The following STRIP2 variants were observed in gnomAD, a reference collection of about 807,000 sequenced individuals.
STRIP2 encodes the protein striatin interacting protein 2.
In STRIP2, 84 loss-of-function variants were observed where a neutral mutation model predicts 107.1. That is an observed-to-expected ratio of 0.78 (90% CI 0.66 to 0.94). The LOEUF (loss-of-function observed/expected upper bound fraction) is 0.94. Among genes scored for constraint, STRIP2 ranks in the 40% least tolerant of loss-of-function variants. The pLI is 0.00. For synonymous variants in STRIP2, 394 were observed against 400.4 expected, an observed-to-expected ratio of 0.98 and a Z score of 0.19; for missense variants, 888 against 1,034.2, an observed-to-expected ratio of 0.86 and a Z score of 1.94.
intron 18 of STRIP2, among the ~76,000 whole-genome samples, chr7:129,477,047 C>T (rs1047391025): frequency 6.6e-6 from 1 of 151,190 alleles, no homozygotes; most frequent in Non-Finnish European, 1.5e-5. Context: ...TGGCGGCGCG[C>T]GCCTGCAATC....
Position 129,486,077 on chromosome 7 carries a change from C to T in STRIP2, c.*248C>T. The T allele has an allele frequency of 4.5e-6, 2 of 441,198 alleles. No individual in the cohort carries two copies. Among genetic ancestry groups the T allele is most frequent in the East Asian group, 7.9e-5 (2 of 25,182 alleles). 27.3% of individuals were successfully genotyped at this position (441,198 alleles called of 1,614,324 possible). ...ATTCTAGACAAGCTCTTTGGTAGGA[C>T]CTTTTCCTGCTTTAGTCTTGGCTAC... On this transcript the variant is annotated 3_prime_UTR_variant, in exon 21 of 21. Coordinates refer to ENST00000249344, the MANE Select transcript of STRIP2 (RefSeq NM_020704.3).
At chr7:129,437,920 C>T (rs1797792459) in intron 1 of STRIP2, among the ~76,000 whole-genome samples, 1 of 151,846 alleles carries the variant, frequency 6.6e-6, no homozygotes, top group African/African-American at 2.4e-5. Flanking sequence ...ATTCTCCTGC[C>T]TCAGCCTCCC....
chr7:129,475,701 GGACCCTGCGGCCT>G (rs1798905370), intron 18 of STRIP2, among the ~76,000 whole-genome samples: 1 of 152,084 alleles, frequency 6.6e-6, no homozygotes, highest in African/African-American at 2.4e-5. Context: ...CCTAGGCAGA[GGACCCTGCGGCCT>G]ACCGCAGTGT....
rs1406707558 is a variant in STRIP2 at position 129,454,133 on chromosome 7, C to T, written c.531-9C>T. 1.9e-6 allele frequency: 3 copies of T among 1,613,632 alleles called. No homozygotes were observed. Among genetic ancestry groups the T allele is most frequent in the East Asian group, 2.2e-5 (1 of 44,888 alleles). ...ATGCATTCCTGTTCTTTTTCTCCTCCCCTGGCAGCAACAGCCAGGCCTGTA... is the reference window on the plus strand; with the variant it reads ...ATGCATTCCTGTTCTTTTTCTCCTCTCCTGGCAGCAACAGCCAGGCCTGTA... On this transcript the variant is annotated splice_polypyrimidine_tract_variant and intron_variant, in intron 5 of 20. Coordinates refer to ENST00000249344, the MANE Select transcript of STRIP2 (RefSeq NM_020704.3).
Position 129,483,406 on chromosome 7 carries a change from A to C in STRIP2, c.2254+360A>C. On this transcript the variant is annotated intron_variant, in intron 20 of 20. Coordinates refer to ENST00000249344, the MANE Select transcript of STRIP2 (RefSeq NM_020704.3). This position sits in a 1 kb window ranked among gnomAD's most constrained non-coding sequence, Gnocchi z 5.1. ...AAAGATAGAAAATACAAGTAAACAA[A>C]CATTTTACTATATTATATTTATGCC... 2 of 787,404 alleles carry C rather than the reference A, an allele frequency of 2.5e-6. No homozygotes were observed. Among genetic ancestry groups the C allele is most frequent in the Non-Finnish European group, 3.2e-6 (2 of 631,774 alleles). 48.8% of individuals were successfully genotyped at this position (787,404 alleles called of 1,614,324 possible). A position where few individuals can be genotyped will look rare whatever the true frequency, so the allele number is the denominator to read the frequency against.
chr7:129,441,022 T>C (rs1019929044), intron 2 of STRIP2, among the ~76,000 whole-genome samples: 4 of 151,880 alleles, frequency 2.6e-5, no homozygotes, highest in African/African-American at 9.7e-5. Flanking sequence ...TAAATATATA[T>C]ATATTTTAAA....
At chr7:129,481,970 C>A (rs1196680395) in intron 19 of STRIP2, among the ~76,000 whole-genome samples, 5 of 151,700 alleles carry the variant, frequency 3.3e-5, no homozygotes, top group African/African-American at 1.2e-4. Flanking sequence ...GAGTTTGAGA[C>A]CAGCCTGACC....
At chr7:129,451,464 C>A in intron 3 of STRIP2, 149 bp from the exon 4 acceptor site, 2 of 1,108,252 alleles carry the variant, frequency 1.8e-6, no homozygotes, top group Admixed American at 2.4e-5. Flanking sequence ...TTTTCCCATA[C>A]CTTATTCTTT....
rs1798114679 is a variant in STRIP2, at chr7:129,449,122, C to T, written c.275-2491C>T. Among the ~76,000 whole-genome samples, 2 of 152,182 alleles carry T rather than the reference C, an allele frequency of 1.3e-5. 1 individual carries two copies. The highest frequency in any genetic ancestry group is 1.3e-4 in the Admixed American group (2 of 15,284). On this transcript the variant is annotated intron_variant, in intron 3 of 20. Coordinates refer to ENST00000249344, the MANE Select transcript of STRIP2 (RefSeq NM_020704.3). ...AAACTATTAGAACCTTTTTTAACTC[C>T]CCAAGCTGCAACATTGAACGCAGAG...
In STRIP2 at chr7:129,486,184, G is replaced by A. The variant is rs1249121404; in HGVS notation, c.*355G>A. 5.1e-6 allele frequency: 1 copy of A among 196,804 alleles called. No homozygotes were observed. The highest frequency in any genetic ancestry group is 1.1e-5 in the Non-Finnish European group (1 of 94,406). The allele number at this position is 196,804 out of a possible 1,614,324, so 12.2% of individuals were successfully genotyped here. ...ATGGCATTCATCACAGATAGTGGGA[G>A]GTACAAGTCATAAAATAGGGAGAAA... On this transcript the variant is annotated 3_prime_UTR_variant, in exon 21 of 21. Transcript: ENST00000249344.
intron 1 of STRIP2, among the ~76,000 whole-genome samples, chr7:129,434,982 TG>T (rs1297256235): frequency 1.3e-5 from 2 of 151,758 alleles, no homozygotes; most frequent in Non-Finnish European, 2.9e-5. Flanking sequence ...GCTTGAGGGG[TG>T]GGAGGCTGGA....
At chr7:129,455,523 T>C (rs1798322509) in intron 8 of STRIP2, 152 bp downstream of exon 8, 2 of 868,228 alleles carry the variant, frequency 2.3e-6, no homozygotes, top group Non-Finnish European at 3.4e-6. Context: ...AAGGCTGTCC[T>C]AGAGACATCA....
At chr7:129,466,216 C>G (rs914316293) in intron 16 of STRIP2, among the ~76,000 whole-genome samples, 14 of 143,946 alleles carry the variant, frequency 9.7e-5, no homozygotes, top group African/African-American at 3.4e-4. Context: ...TCAGTGAATC[C>G]TGAAGGGCCA....
rs748927719 is a variant in STRIP2 at position 129,464,122 on chromosome 7, G to A, written c.1630G>A (p.Val544Ile). The A allele has an allele frequency of 1.1e-5, 17 of 1,612,436 alleles. No individual in the cohort carries two copies. The highest frequency in any genetic ancestry group is 1.8e-4 in the Middle Eastern group (1 of 5,552). ...KTDSINILAD[V>I]LPEEMPITVL... ...AGACTCTATCAATATCCTGGCAGATGTCCTACCTGAGGAGATGCCGTGAGT... is the reference window on the plus strand; with the variant it reads ...AGACTCTATCAATATCCTGGCAGATATCCTACCTGAGGAGATGCCGTGAGT... The change falls in exon 15 of 21, where the codon GTC becomes ATC. Residue 544 changes from valine (V) to isoleucine (I), a missense_variant. Coordinates refer to ENST00000249344, the MANE Select transcript of STRIP2 (RefSeq NM_020704.3).
rs537694521 is a variant in STRIP2 at position 129,462,819 on chromosome 7, A to C, written c.1477-147A>C. 14 of 617,894 alleles carry C rather than the reference A, an allele frequency of 2.3e-5. No individual in the cohort carries two copies. The Admixed American group carries it at 3.4e-4, about 15-fold the overall frequency. The allele number at this position is 617,894 out of a possible 1,614,324, so 38.3% of individuals were successfully genotyped here. Reference sequence around the variant, plus strand: ...AGGAATGTGACTTAACCAAGGTCACACAGTGAGTCATTAACACAGCTAGGG... The same window carrying C: ...AGGAATGTGACTTAACCAAGGTCACCCAGTGAGTCATTAACACAGCTAGGG... On this transcript the variant is annotated intron_variant, in intron 13 of 20. Transcript: ENST00000249344.
intron 12 of STRIP2, 80 bp from the exon 13 acceptor site, chr7:129,460,221 T>G: frequency 1.6e-6 from 2 of 1,287,652 alleles, no homozygotes; most frequent in Non-Finnish European, 2.2e-6. Flanking sequence ...TTTCCTTGCT[T>G]TTGGGGAATT....
At chr7:129,468,175 G>T (rs990646765) in intron 17 of STRIP2, among the ~76,000 whole-genome samples, 1 of 152,090 alleles carries the variant, frequency 6.6e-6, no homozygotes, top group Non-Finnish European at 1.5e-5. Context: ...ACTTTCACAA[G>T]AACTGGAAAT....
chr7:129,466,567 C>T (rs1348125305), intron 16 of STRIP2, among the ~76,000 whole-genome samples: 2 of 152,154 alleles, frequency 1.3e-5, no homozygotes, highest in Non-Finnish European at 2.9e-5. Flanking sequence ...GTGTTTGACA[C>T]TCCTTAGTGT....
intron 2 of STRIP2, among the ~76,000 whole-genome samples, chr7:129,442,337 A>G (rs955697517): frequency 3.3e-5 from 5 of 152,212 alleles, no homozygotes; most frequent in African/African-American, 9.6e-5. Flanking sequence ...AAACAGAGCA[A>G]TATCATATGT....
Sources: allele counts gnomAD v4.1 joint callset (sites outside exome capture counted in the v4.1 genomes callset), GRCh38; gene constraint gnomAD v4.1.1; non-coding constraint Gnocchi (gnomAD v3.1); transcripts MANE v1.5; gene names NCBI Gene and HGNC (gene_info 2026-07-23, HGNC 2026-07-21).